The following PCDH9 variants were observed in gnomAD, a reference collection of about 807,000 sequenced individuals.
PCDH9 encodes the protein protocadherin-9.
A neutral mutation model predicts 70.6 loss-of-function variants in PCDH9; 24 were observed. The observed-to-expected ratio is 0.34, with a 90% CI of 0.25 to 0.48. The LOEUF (loss-of-function observed/expected upper bound fraction) is 0.48. Among genes scored for constraint, PCDH9 ranks in the 20% least tolerant of loss-of-function variants. The pLI, the probability that PCDH9 is intolerant of heterozygous loss-of-function variation, is 0.99. For synonymous variants in PCDH9, 562 were observed against 558.5 expected (o/e 1.01, Z -0.09); for missense variants, 1,281 against 1,503.6 (o/e 0.85, Z 2.45).
chr13:66,376,016 C>T (rs1956740320), intron 4 of PCDH9, among the ~76,000 whole-genome samples: 1 of 152,160 alleles, frequency 6.6e-6, no homozygotes, highest in South Asian at 2.1e-4. Flanking sequence ...ATCCTTATAA[C>T]TGACTCCCAT....
At chr13:66,758,033 G>T (rs945254414) in intron 3 of PCDH9, among the ~76,000 whole-genome samples, 6 of 151,770 alleles carry the variant, frequency 4.0e-5, no homozygotes, top group African/African-American at 9.7e-5. Context: ...ATTGGCATAA[G>T]AATAATAAAG....
intron 4 of PCDH9, among the ~76,000 whole-genome samples, chr13:66,491,788 C>T (rs2138535202): frequency 1.3e-5 from 2 of 152,182 alleles, no homozygotes; most frequent in South Asian, 4.1e-4. Flanking sequence ...TCATTGATTA[C>T]TTGTCATGGT....
At chr13:67,108,384 T>C (rs1459360601) in intron 2 of PCDH9, among the ~76,000 whole-genome samples, 1 of 152,190 alleles carries the variant, frequency 6.6e-6, no homozygotes, top group Non-Finnish European at 1.5e-5. Flanking sequence ...AACATAGTGA[T>C]ACAGAACTAA....
intron 2 of PCDH9, among the ~76,000 whole-genome samples, chr13:67,150,178 C>T (rs903895176): frequency 2.0e-5 from 3 of 152,122 alleles, no homozygotes; most frequent in African/African-American, 7.2e-5. Flanking sequence ...GGATAACAGG[C>T]ATATGCCACC....
intron 4 of PCDH9, among the ~76,000 whole-genome samples, chr13:66,419,451 T>C (rs1464446492): frequency 6.6e-6 from 1 of 150,488 alleles, no homozygotes; most frequent in Non-Finnish European, 1.5e-5. Flanking sequence ...CCAACTGAGG[T>C]ACCCAGTTCA....
intron 4 of PCDH9, among the ~76,000 whole-genome samples, chr13:66,491,296 G>A (rs1215397430): frequency 6.6e-6 from 1 of 151,660 alleles, no homozygotes. Flanking sequence ...CCTGGTTTTC[G>A]CTGAAATTCT....
chr13:66,645,712 T>C (rs1232816352), intron 3 of PCDH9, among the ~76,000 whole-genome samples: 1 of 152,194 alleles, frequency 6.6e-6, no homozygotes, highest in East Asian at 1.9e-4. Context: ...ACAAACATTG[T>C]TGATCACCTA....
intron 2 of PCDH9, among the ~76,000 whole-genome samples, chr13:67,116,165 C>T (rs144998085): frequency 3.9e-5 from 6 of 151,976 alleles, no homozygotes; most frequent in Non-Finnish European, 5.9e-5. Context: ...GATGAGTAAA[C>T]GAGAAAATAC....
intron 2 of PCDH9, among the ~76,000 whole-genome samples, chr13:67,113,395 GTCTTATAACA>G: frequency 6.6e-6 from 1 of 152,136 alleles, no homozygotes; most frequent in Non-Finnish European, 1.5e-5. Context: ...AGTGGTCCGT[GTCTTATAACA>G]TCAACCACAA....
intron 3 of PCDH9, among the ~76,000 whole-genome samples, chr13:66,659,553 T>TGTGTGTGGGTGTG (rs59132032): frequency 6.7e-6 from 1 of 148,768 alleles, no homozygotes; most frequent in East Asian, 2.0e-4. Flanking sequence ...GTGTGTGTGT[T>TGTGTGTGGGTGTG]TGTGTGTGTT....
At chr13:67,055,355 A>C (rs1255323298) in intron 2 of PCDH9, among the ~76,000 whole-genome samples, 1 of 152,200 alleles carries the variant, frequency 6.6e-6, no homozygotes, top group Non-Finnish European at 1.5e-5. Flanking sequence ...AGATTTTAAG[A>C]TAGTTACATG....
At chr13:67,126,185 C>T (rs1334725226) in intron 2 of PCDH9, among the ~76,000 whole-genome samples, 3 of 152,118 alleles carry the variant, frequency 2.0e-5, no homozygotes, top group African/African-American at 7.2e-5. Context: ...AGGCTGATTA[C>T]TATGCTGAAG....
At chr13:66,447,090 C>A (rs1378378732) in intron 4 of PCDH9, among the ~76,000 whole-genome samples, 1 of 151,758 alleles carries the variant, frequency 6.6e-6, no homozygotes, top group Non-Finnish European at 1.5e-5. Context: ...GTCTTTTAAA[C>A]AAAAATTAGG....
At chr13:66,527,105 A>G (rs1960249773) in intron 4 of PCDH9, among the ~76,000 whole-genome samples, 2 of 151,936 alleles carry the variant, frequency 1.3e-5, no homozygotes, top group Middle Eastern at 3.4e-3. Context: ...AAATCTTTCC[A>G]TAAAACTATC....
intron 4 of PCDH9, among the ~76,000 whole-genome samples, chr13:66,422,047 G>A (rs927348605): frequency 1.3e-5 from 2 of 152,048 alleles, no homozygotes; most frequent in Non-Finnish European, 2.9e-5. Flanking sequence ...AACCAACAAC[G>A]GTCAAAAGAG....
chr13:66,662,296 AACCCCGTCTC>A (rs2078021160), intron 3 of PCDH9, among the ~76,000 whole-genome samples: 1 of 152,030 alleles, frequency 6.6e-6, no homozygotes, highest in Non-Finnish European at 1.5e-5. Context: ...AACATGGAGA[AACCCCGTCTC>A]TACTAAAAAT....
intron 3 of PCDH9, among the ~76,000 whole-genome samples, chr13:66,725,489 C>T (rs1320736025): frequency 6.6e-6 from 1 of 152,166 alleles, no homozygotes; most frequent in Non-Finnish European, 1.5e-5. Context: ...TACATGATTT[C>T]ATCACCAACA....
At chr13:66,637,054 A>G (rs1356061004) in intron 3 of PCDH9, among the ~76,000 whole-genome samples, 1 of 152,126 alleles carries the variant, frequency 6.6e-6, no homozygotes, top group East Asian at 1.9e-4. Context: ...TCTTATTTTT[A>G]TAAGAACACA....
intron 3 of PCDH9, among the ~76,000 whole-genome samples, chr13:66,891,627 G>A (rs2082097567): frequency 6.6e-6 from 1 of 151,936 alleles, no homozygotes; most frequent in East Asian, 1.9e-4. Flanking sequence ...GATAAATATG[G>A]AAATAATTAT....
Sources: allele counts gnomAD v4.1 joint callset (sites outside exome capture counted in the v4.1 genomes callset), GRCh38; gene constraint gnomAD v4.1.1; transcripts MANE v1.5; gene names NCBI Gene and HGNC (gene_info 2026-07-23, HGNC 2026-07-21).